DYNC1LI1: variants seen among roughly 807,000 people sequenced by gnomAD.
The protein encoded by DYNC1LI1 is dynein cytoplasmic 1 light intermediate chain 1.
DYNC1LI1 carries 19 observed loss-of-function variants against 63.8 expected under a neutral mutation model. The ratio of observed to expected loss-of-function variants is 0.30; its 90% CI spans 0.21 to 0.44. The LOEUF is 0.44. DYNC1LI1 is among the 20% of genes least tolerant of loss of function. DYNC1LI1 has a pLI of 1.00. For synonymous variants in DYNC1LI1, 225 were observed against 232.3 expected, an observed-to-expected ratio of 0.97 and a Z score of 0.28; for missense variants, 565 against 630.2, an observed-to-expected ratio of 0.90 and a Z score of 1.11.
At chr3:32,555,495 A>C (rs1293370434) in intron 2 of DYNC1LI1, among the ~76,000 whole-genome samples, 1 of 152,246 alleles carries the variant, frequency 6.6e-6, no homozygotes, top group Non-Finnish European at 1.5e-5. Flanking sequence ...GGTTATACAC[A>C]TCTTCCAATC....
rs565360250 is a variant in DYNC1LI1 at position 32,528,572 on chromosome 3, T to C, written c.1336A>G (p.Asn446Asp). The C allele has an allele frequency of 6.2e-7, 1 of 1,612,488 alleles. No individual in the cohort carries two copies. Among genetic ancestry groups the C allele is most frequent in the African/African-American group, 1.3e-5 (1 of 74,828 alleles). Residue 446 changes from asparagine to aspartate, a missense_variant, in exon 12 of 13, where the codon AAT becomes GAT. Transcript: ENST00000273130. ...TTACTCAACAAACTGTTGAAGAAATTTGCCAGAACGCCTTCACTTGTAGCT... is the reference window on the plus strand; with the variant it reads ...TTACTCAACAAACTGTTGAAGAAATCTGCCAGAACGCCTTCACTTGTAGCT... ...AGATSEGVLA[N>D]FFNSLLSKKT...
At chr3:32,546,568 C>T (rs973569971) in intron 2 of DYNC1LI1, among the ~76,000 whole-genome samples, 2 of 152,122 alleles carry the variant, frequency 1.3e-5, no homozygotes, top group African/African-American at 4.8e-5. Flanking sequence ...CAGGAATTTC[C>T]ACTCTCATGT....
In DYNC1LI1 at chr3:32,568,041, C is replaced by G. The variant is rs192354244; in HGVS notation, c.220+2305G>C. ...TTTGTAGACATGGGGTTTCACCATA[C>G]TACCCAGGCTGGTCTCCAACTCCTG... On this transcript the variant is annotated intron_variant, in intron 2 of 12. Transcript: ENST00000273130. Among the ~76,000 whole-genome samples the G allele has an allele frequency of 2.5e-3, 385 of 152,122 alleles. 1 individual carries two copies. The highest frequency in any genetic ancestry group is 4.6e-3 in the Non-Finnish European group (315 of 67,986).
intron 8 of DYNC1LI1, chr3:32,532,501 A>T (rs796984458): frequency 6.8e-6 from 1 of 146,496 alleles, no homozygotes; most frequent in Non-Finnish European, 1.5e-5. Context: ...ATATATATAT[A>T]TATATAAAAT....
At chr3:32,545,199 A>C in intron 3 of DYNC1LI1, 93 bp from the exon 4 acceptor site, 3 of 793,622 alleles carry the variant, frequency 3.8e-6, no homozygotes, top group Non-Finnish European at 6.3e-6. Context: ...GTGCATCTCC[A>C]CAGGAGATGT....
intron 2 of DYNC1LI1, among the ~76,000 whole-genome samples, chr3:32,568,501 T>TA (rs1233504506): frequency 6.6e-6 from 1 of 152,176 alleles, no homozygotes; most frequent in Non-Finnish European, 1.5e-5. Flanking sequence ...CTTTATGAAC[T>TA]ATTAAGTTCA....
chr3:32,538,011 A>ATATATATATAT lies in DYNC1LI1; in HGVS notation c.739-908_739-907insATATATATATA, dbSNP rs1697816180. 2.0e-4 allele frequency among the ~76,000 whole-genome samples: 4 copies of ATATATATATAT among 19,606 alleles called. 1 individual carries two copies. Among genetic ancestry groups the ATATATATATAT allele is most frequent in the African/African-American group, 1.2e-3 (4 of 3,348 alleles). The allele number at this position is 19,606 out of a possible 152,430, so 12.9% of individuals were successfully genotyped here. The stretch of plus-strand genomic sequence containing the variant: ...TATATATATAATTTATATATATAAT[A>ATATATATATAT]TATATATATAATTTATATATATAAT... On this transcript the variant is annotated intron_variant, in intron 5 of 12. Coordinates refer to ENST00000273130, the MANE Select transcript of DYNC1LI1 (RefSeq NM_016141.4).
At chr3:32,555,411 A>C (rs1168831558) in intron 2 of DYNC1LI1, among the ~76,000 whole-genome samples, 1 of 152,234 alleles carries the variant, frequency 6.6e-6, no homozygotes, top group Non-Finnish European at 1.5e-5. Context: ...TTCTGTAAAC[A>C]AAATCCCACT....
intron 4 of DYNC1LI1, 117 bp from the exon 5 acceptor site, chr3:32,541,323 A>G: frequency 1.5e-6 from 1 of 659,474 alleles, no homozygotes; most frequent in East Asian, 2.8e-5. Flanking sequence ...GTAAGAGAAG[A>G]AACAAAAAGG....
intron 4 of DYNC1LI1, among the ~76,000 whole-genome samples, chr3:32,544,364 G>A (rs1416225123): frequency 6.6e-6 from 1 of 152,082 alleles, no homozygotes; most frequent in Admixed American, 6.6e-5. Context: ...AACACACACA[G>A]CTTTTTGGCA....
chr3:32,535,341 C>G (rs763638957), intron 6 of DYNC1LI1, among the ~76,000 whole-genome samples: 53 of 152,190 alleles, frequency 3.5e-4, no homozygotes, highest in Non-Finnish European at 6.9e-4. Context: ...TGACCACTGA[C>G]AGATGATGGA....
At chr3:32,568,258 A>AT (rs1698295824) in intron 2 of DYNC1LI1, among the ~76,000 whole-genome samples, 1 of 152,124 alleles carries the variant, frequency 6.6e-6, no homozygotes, top group South Asian at 2.1e-4. Flanking sequence ...CACAATCCCT[A>AT]TTTGGTATTT....
intron 2 of DYNC1LI1, among the ~76,000 whole-genome samples, chr3:32,561,002 CAAAAAAAAAAAAAAA>C (rs59037467): frequency 3.8e-4 from 10 of 26,112 alleles, no homozygotes; most frequent in Non-Finnish European, 5.6e-4. Context: ...AACTCCGTCT[CAAAAAAAAAAAAAAA>C]AAAAAAAAAA....
In DYNC1LI1 at chr3:32,532,485, G is replaced by GTATATATATA. The variant is rs1292389896; in HGVS notation, c.1080+500_1080+501insTATATATATA. The GTATATATATA allele has an allele frequency of 6.9e-3, 845 of 122,262 alleles. 20 individuals carry two copies. Among genetic ancestry groups the GTATATATATA allele is most frequent in the African/African-American group, 0.023 (796 of 34,578 alleles). The allele number at this position is 122,262 out of a possible 1,614,324, so 7.6% of individuals were successfully genotyped here. A position where few individuals can be genotyped will look rare whatever the true frequency, so the allele number is the denominator to read the frequency against. ...CATCTCAAAAAAAAAAAAAAAATGT[G>GTATATATATA]TGTATATATATATATATATATAAAA... On this transcript the variant is annotated intron_variant, in intron 8 of 12. Transcript: ENST00000273130.
intron 4 of DYNC1LI1, among the ~76,000 whole-genome samples, chr3:32,544,157 T>G (rs12054085): frequency 1.3e-5 from 2 of 152,156 alleles, no homozygotes; most frequent in Non-Finnish European, 2.9e-5. Context: ...CCAATTCACA[T>G]AGGCATGTAC....
At chr3:32,548,306 C>T (rs1021378472) in intron 2 of DYNC1LI1, among the ~76,000 whole-genome samples, 1 of 152,096 alleles carries the variant, frequency 6.6e-6, no homozygotes, top group African/African-American at 2.4e-5. Flanking sequence ...GAACTGCGCA[C>T]GCCTGGGGAT....
At chr3:32,544,122 A>G (rs1697919765) in intron 4 of DYNC1LI1, among the ~76,000 whole-genome samples, 1 of 152,212 alleles carries the variant, frequency 6.6e-6, no homozygotes, top group East Asian at 1.9e-4. Context: ...GACTCATACA[A>G]TTTTCATAAT....
At chr3:32,544,753 A>AG (rs999082879) in intron 4 of DYNC1LI1, 123 bp downstream of exon 4, 236 of 700,746 alleles carry the variant, frequency 3.4e-4, no homozygotes, top group Non-Finnish European at 8.9e-5. Flanking sequence ...CAAAAAAAAA[A>AG]AAAAAGTACT....
intron 2 of DYNC1LI1, among the ~76,000 whole-genome samples, chr3:32,565,527 T>A (rs887652066): frequency 8.5e-5 from 13 of 152,232 alleles, no homozygotes; most frequent in African/African-American, 2.9e-4. Flanking sequence ...CTGCTAAGCA[T>A]CCTCTTACTT....
Sources: gnomAD v4.1 joint callset for allele counts (sites outside exome capture counted in the v4.1 genomes callset) on GRCh38, gnomAD v4.1.1 for gene constraint, MANE v1.5 for transcripts, NCBI Gene and HGNC (gene_info 2026-07-23, HGNC 2026-07-21) for gene names.